Variants in LSM4 observed in about 807,000 individuals in gnomAD.
LSM4 encodes the protein LSM4 homolog, U6 small nuclear RNA and mRNA degradation associated, also known as U6 snRNA-associated Sm-like protein LSm4.
LSM4 carries 15 observed loss-of-function variants against 22.3 expected under a neutral mutation model. The observed-to-expected ratio is 0.67, with a 90% CI of 0.45 to 1.03. The LOEUF (loss-of-function observed/expected upper bound fraction) is 1.03, where lower values mean the gene tolerates loss of function less well. Ranked by LOEUF, LSM4 falls within the 50% of genes least tolerant of loss-of-function variation. LSM4 has a pLI of 0.00. For missense variants in LSM4, 127 were observed against 198.0 expected (o/e 0.64, Z 2.15); for synonymous variants, 90 against 79.8 (o/e 1.13, Z -0.68).
Position 18,316,406 on chromosome 19 carries a change from A to C in LSM4, c.4-341T>G, listed in dbSNP as rs1183577904. On this transcript the variant is annotated intron_variant, in intron 1 of 4. Transcript: ENST00000593829. ...ACCCAGGCTGGAGTGCAGTGGCATG[A>C]TCATGGCTCACTGCAACCTCCACCT... The C allele has an allele frequency of 1.7e-5, 3 of 173,708 alleles. No individual in the cohort carries two copies. In the East Asian group the frequency reaches 4.9e-4, roughly 28 times the overall value. 10.8% of individuals were successfully genotyped at this position (173,708 alleles called of 1,614,324 possible). A position where few individuals can be genotyped will look rare whatever the true frequency, so the allele number is the denominator to read the frequency against.
chr19:18,307,480 T>C lies in LSM4; in HGVS notation c.404A>G (p.Gln135Arg). 1 of 1,550,646 alleles carries C rather than the reference T, an allele frequency of 6.4e-7. No homozygotes were observed. Among genetic ancestry groups the C allele is most frequent in the South Asian group, 1.2e-5 (1 of 83,374 alleles). ...GGTGGGCGCTCACTGTTTGCCCGCC[T>C]GTCTGCCAGGCTTCTTCTCTGGCTG... ...RGQPEKKPGR[Q>R]AGKQ The change falls in exon 5 of 5, where the codon CAG becomes CGG. Residue 135 changes from glutamine to arginine, a missense_variant. Coordinates refer to ENST00000593829, the MANE Select transcript of LSM4 (RefSeq NM_012321.5).
At position 18,309,111 on chromosome 19, in the gene LSM4, T is replaced by C. The variant is rs529459585; in HGVS notation, c.328+567A>G. On this transcript the variant is annotated intron_variant, in intron 4 of 4. Transcript: ENST00000593829. Reference sequence around the variant, plus strand: ...GACCACCTCGTGAGCCTGCACAGAATTGGCGCCTGGGGCCTTCCGGGGGCA... The same window carrying C: ...GACCACCTCGTGAGCCTGCACAGAACTGGCGCCTGGGGCCTTCCGGGGGCA... Among the ~76,000 whole-genome samples the C allele has an allele frequency of 2.0e-5, 3 of 146,704 alleles. No individual in the cohort carries two copies. In the South Asian group the frequency reaches 7.0e-4, roughly 34 times the overall value.
chr19:18,309,959 C>T, intron 3 of LSM4, 98 bp from the exon 4 acceptor site: 1 of 1,131,252 alleles, frequency 8.8e-7, no homozygotes, highest in Non-Finnish European at 1.3e-6. Flanking sequence ...AGCCTGCACC[C>T]CGTACCACCC....
At position 18,323,026 on chromosome 19, in the gene LSM4, C is replaced by T. The variant is rs755534108; in HGVS notation, c.-6G>A. On this transcript the variant is annotated 5_prime_UTR_variant, in exon 1 of 5. Transcript: ENST00000593829. ...AGTTGCCCTGCCCTCACCATGGTGC[C>T]GGCGGGGACCGGGCTCGCCGGCCAC... The T allele has an allele frequency of 2.3e-5, 36 of 1,558,356 alleles. 1 individual carries two copies. The East Asian group carries it at 8.9e-4, about 38-fold the overall frequency.
At chr19:18,313,579 G>A (rs924186309) in intron 2 of LSM4, among the ~76,000 whole-genome samples, 2 of 152,128 alleles carry the variant, frequency 1.3e-5, no homozygotes, top group East Asian at 1.9e-4. Context: ...GTGCAGTATC[G>A]TGATCATGGC....
At chr19:18,311,532 G>A (rs117935688) in intron 3 of LSM4, among the ~76,000 whole-genome samples, 2,125 of 152,256 alleles carry the variant, frequency 0.014, 23 homozygotes, top group Non-Finnish European at 0.022. Context: ...CCACAAGACC[G>A]CACATGCTCA....
In LSM4 at chr19:18,321,969, G is replaced by C. The variant is rs553953864; in HGVS notation, c.3+1049C>G. Among the ~76,000 whole-genome samples the C allele has an allele frequency of 6.6e-5, 10 of 152,288 alleles. No homozygotes were observed. In the South Asian group the frequency reaches 1.4e-3, roughly 22 times the overall value. Reference sequence around the variant, plus strand: ...CCTAATGCTCAGCGGAGACTGATTTGAGCAATAATAAAACTCTGGTCTCCT... The same window carrying C: ...CCTAATGCTCAGCGGAGACTGATTTCAGCAATAATAAAACTCTGGTCTCCT... On this transcript the variant is annotated intron_variant, in intron 1 of 4. Transcript: ENST00000593829.
intron 3 of LSM4, among the ~76,000 whole-genome samples, chr19:18,311,852 G>T (rs73007706): frequency 6.6e-6 from 1 of 152,036 alleles, no homozygotes; most frequent in African/African-American, 2.4e-5. Context: ...CTCCCCCCTC[G>T]AGCCCTGTTG....
chr19:18,321,012 TC>T (rs1970419362), intron 1 of LSM4, among the ~76,000 whole-genome samples: 3 of 152,230 alleles, frequency 2.0e-5, no homozygotes, highest in Admixed American at 2.0e-4. Context: ...GGACTGCCCA[TC>T]CCCGCTGCTA....
chr19:18,313,462 C>G (rs1970320042), intron 2 of LSM4, among the ~76,000 whole-genome samples: 1 of 152,138 alleles, frequency 6.6e-6, no homozygotes, highest in African/African-American at 2.4e-5. Context: ...GTTTTGAGAA[C>G]AAAGATAAGT....
chr19:18,321,410 T>A (rs1438991844), intron 1 of LSM4, among the ~76,000 whole-genome samples: 1 of 152,174 alleles, frequency 6.6e-6, no homozygotes, highest in Non-Finnish European at 1.5e-5. Flanking sequence ...TGAAAAGAGA[T>A]CAGACCTAAC....
At chr19:18,310,094 C>G in intron 3 of LSM4, 1 of 542,580 alleles carries the variant, frequency 1.8e-6, no homozygotes, top group South Asian at 2.5e-5. Context: ...AGGCGCAGCC[C>G]CCATTGTGCA....
intron 4 of LSM4, 121 bp downstream of exon 4, chr19:18,309,557 G>A (rs780322679): frequency 1.0e-5 from 11 of 1,105,042 alleles, no homozygotes; most frequent in South Asian, 4.9e-5. Context: ...GGACCAGGAG[G>A]GGGGCCCGGG....
At chr19:18,315,948 C>T (rs556681258) in intron 2 of LSM4, 76 bp downstream of exon 2, 69 of 1,406,466 alleles carry the variant, frequency 4.9e-5, no homozygotes, top group Middle Eastern at 2.0e-4. Flanking sequence ...GCCAGGAAGC[C>T]GTCTGCTCAG....
intron 1 of LSM4, among the ~76,000 whole-genome samples, chr19:18,316,754 A>G (rs957345447): frequency 1.3e-5 from 2 of 152,022 alleles, no homozygotes; most frequent in African/African-American, 4.8e-5. Flanking sequence ...AACCCGAGGA[A>G]CTTGCCCAGT....
Position 18,312,715 on chromosome 19 carries a change from C to G in LSM4, c.46-13G>C, listed in dbSNP as rs1970311927. On this transcript the variant is annotated splice_polypyrimidine_tract_variant and intron_variant, in intron 2 of 4. Coordinates refer to ENST00000593829, the MANE Select transcript of LSM4 (RefSeq NM_012321.5). ...TCAGCTCCACCAACTAGAAGAGAGA[C>G]AGGCTAGAGGTTGGCTGTAGCCCTG... 1 of 1,605,160 alleles carries G rather than the reference C, an allele frequency of 6.2e-7. No individual in the cohort carries two copies. The highest frequency in any genetic ancestry group is 1.3e-5 in the African/African-American group (1 of 74,738).
chr19:18,318,694 C>T (rs559965410), intron 1 of LSM4, among the ~76,000 whole-genome samples: 2 of 152,236 alleles, frequency 1.3e-5, no homozygotes, highest in Non-Finnish European at 2.9e-5. Context: ...CCCTTAAAGG[C>T]CCACCTCTCA....
chr19:18,308,942 G>A (rs1288900213), intron 4 of LSM4, among the ~76,000 whole-genome samples: 2 of 152,178 alleles, frequency 1.3e-5, no homozygotes, highest in South Asian at 2.1e-4. Flanking sequence ...TCCCTAGGTA[G>A]GACCCGACCC....
Position 18,307,560 on chromosome 19 carries a change from A to C in LSM4, c.329-5T>G, listed in dbSNP as rs1443590305. ...GGCCCCGGCCACCAAACACACCTAGAGGACAGAGAGAGGGCGCTGCAGCAG... is the reference window on the plus strand; with the variant it reads ...GGCCCCGGCCACCAAACACACCTAGCGGACAGAGAGAGGGCGCTGCAGCAG... On this transcript the variant is annotated splice_region_variant and splice_polypyrimidine_tract_variant and intron_variant, in intron 4 of 4. Coordinates refer to ENST00000593829, the MANE Select transcript of LSM4 (RefSeq NM_012321.5). The C allele has an allele frequency of 6.6e-7, 1 of 1,506,578 alleles. No homozygotes were observed. The highest frequency in any genetic ancestry group is 2.7e-5 in the East Asian group (1 of 37,426). 93.3% of individuals were successfully genotyped at this position (1,506,578 alleles called of 1,614,324 possible).
Sources: gnomAD v4.1 joint callset for allele counts (sites outside exome capture counted in the v4.1 genomes callset) on GRCh38, gnomAD v4.1.1 for gene constraint, MANE v1.5 for transcripts, NCBI Gene and HGNC (gene_info 2026-07-23, HGNC 2026-07-21) for gene names.